Variants in HERC6 observed in about 807,000 individuals in gnomAD.
HERC6 encodes probable E3 ubiquitin-protein ligase HERC6.
A neutral mutation model predicts 114.5 loss-of-function variants in HERC6; 101 were observed. The ratio of observed to expected loss-of-function variants is 0.88; its 90% CI spans 0.75 to 1.04. HERC6 has a LOEUF of 1.04. Ranked by LOEUF, HERC6 falls within the 50% of genes least tolerant of loss-of-function variation. The pLI is 0.00. For synonymous variants in HERC6, 408 were observed against 436.2 expected, an observed-to-expected ratio of 0.94 and a Z score of 0.81; for missense variants, 1,133 against 1,230.9, an observed-to-expected ratio of 0.92 and a Z score of 1.19.
chr4:88,402,233 T>C (rs1406412765), intron 8 of HERC6, among the ~76,000 whole-genome samples: 1 of 152,156 alleles, frequency 6.6e-6, no homozygotes, highest in South Asian at 2.1e-4. Context: ...GATGGAACAA[T>C]TGATAATTAT....
chr4:88,411,737 G>C (rs1736116127), intron 11 of HERC6, among the ~76,000 whole-genome samples: 1 of 152,210 alleles, frequency 6.6e-6, no homozygotes, highest in East Asian at 1.9e-4. Context: ...CCTTTGCACA[G>C]GTTCATTCAG....
At chr4:88,417,642 A>G in intron 13 of HERC6, 63 bp downstream of exon 13, 3 of 1,365,338 alleles carry the variant, frequency 2.2e-6, no homozygotes, top group Non-Finnish European at 3.0e-6. Context: ...TTAAGTCTCA[A>G]CCAGTTGGAC....
chr4:88,390,110 T>C (rs1578372499), intron 3 of HERC6, among the ~76,000 whole-genome samples: 1 of 132,478 alleles, frequency 7.5e-6, no homozygotes, highest in Admixed American at 8.9e-5. Context: ...AACCAGGAGG[T>C]GGAGTTTGCA....
intron 15 of HERC6, among the ~76,000 whole-genome samples, chr4:88,426,835 C>G (rs1218471244): frequency 2.6e-5 from 4 of 152,218 alleles, no homozygotes; most frequent in Non-Finnish European, 1.5e-5. Context: ...ACCAGGTCAT[C>G]TCTTCTTTTA....
At chr4:88,398,947 T>A (rs1415505852) in intron 8 of HERC6, 1 of 152,208 alleles carries the variant, frequency 6.6e-6, no homozygotes, top group African/African-American at 2.4e-5. Flanking sequence ...GTGGTAGAGC[T>A]GGATTCAAAT....
chr4:88,424,541 G>T, intron 14 of HERC6, 54 bp from the exon 15 acceptor site: 1 of 1,358,872 alleles, frequency 7.4e-7, no homozygotes, highest in Non-Finnish European at 1.0e-6. Context: ...AAGGAAGTAA[G>T]TTTTTTTTCA....
In HERC6 at chr4:88,431,317, C is replaced by CTTT; in HGVS notation, c.2250+22_2250+24dup. 3 of 1,213,594 alleles carry CTTT rather than the reference C, an allele frequency of 2.5e-6. No homozygotes were observed. Among genetic ancestry groups the CTTT allele is most frequent in the Admixed American group, 2.4e-5 (1 of 41,648 alleles). 75.2% of individuals were successfully genotyped at this position (1,213,594 alleles called of 1,614,324 possible). The stretch of plus-strand genomic sequence containing the variant: ...GGTTTCCTGCCAAGGTAAGTCTTTT[C>CTTT]TTTTTTTTTTTTCCCCCAGAACAGA... On this transcript the variant is annotated intron_variant, in intron 17 of 22. Coordinates refer to ENST00000264346, the MANE Select transcript of HERC6 (RefSeq NM_017912.4).
intron 19 of HERC6, among the ~76,000 whole-genome samples, 196 bp downstream of exon 19, chr4:88,437,167 C>A (rs1484877688): frequency 2.0e-5 from 3 of 151,916 alleles, no homozygotes; most frequent in African/African-American, 7.3e-5. Context: ...AGTGATTCTC[C>A]TACCTCAGCC....
intron 13 of HERC6, among the ~76,000 whole-genome samples, chr4:88,422,970 C>T (rs1737209183): frequency 6.7e-6 from 1 of 150,170 alleles, no homozygotes; most frequent in African/African-American, 2.4e-5. Context: ...GGATTTGTCT[C>T]TTTATCTAAG....
chr4:88,387,326 G>A (rs1734635020), intron 3 of HERC6, among the ~76,000 whole-genome samples: 1 of 152,220 alleles, frequency 6.6e-6, no homozygotes, highest in African/African-American at 2.4e-5. Context: ...GAGCTCAGGA[G>A]TTTGAAGCTG....
At chr4:88,384,865 CA>C (rs201337362) in intron 2 of HERC6, among the ~76,000 whole-genome samples, 1 of 150,332 alleles carries the variant, frequency 6.7e-6, no homozygotes, top group African/African-American at 2.4e-5. Context: ...ACTAAAAATA[CA>C]AAAAAAAATA....
Position 88,404,788 on chromosome 4 carries a change from T to C in HERC6, c.1093-88T>C, listed in dbSNP as rs190623855. On this transcript the variant is annotated intron_variant, in intron 8 of 22. Transcript: ENST00000264346. ...TACCACCCAAGAGGGCAGGGCCTAT[T>C]TACCACCCATGCCAGGTGATTTACT... is the stretch of plus-strand genomic sequence containing the variant. The C allele has an allele frequency of 8.0e-6, 12 of 1,506,178 alleles. No homozygotes were observed. In the East Asian group the frequency reaches 2.4e-4, roughly 30 times the overall value. The allele number at this position is 1,506,178 out of a possible 1,614,324, so 93.3% of individuals were successfully genotyped here.
At chr4:88,393,742 C>T (rs1735046830) in intron 5 of HERC6, among the ~76,000 whole-genome samples, 160 bp downstream of exon 5, 1 of 152,116 alleles carries the variant, frequency 6.6e-6, no homozygotes, top group East Asian at 1.9e-4. Context: ...GATCTATTTC[C>T]CATAGTTCTG....
intron 8 of HERC6, 120 bp from the exon 9 acceptor site, chr4:88,404,756 C>A (rs1208882637): frequency 3.1e-6 from 4 of 1,296,888 alleles, no homozygotes; most frequent in Non-Finnish European, 4.2e-6. Flanking sequence ...CTCCTCCCAC[C>A]AAATGCTACC....
At chr4:88,406,359 G>T (rs1735814293) in intron 10 of HERC6, among the ~76,000 whole-genome samples, 1 of 152,180 alleles carries the variant, frequency 6.6e-6, no homozygotes, top group Non-Finnish European at 1.5e-5. Flanking sequence ...CCCACTGCTG[G>T]TCACTAGGTG....
In HERC6 at chr4:88,442,219, T is replaced by A. The variant is rs1739415064; in HGVS notation, c.2843-15T>A. On this transcript the variant is annotated splice_polypyrimidine_tract_variant and intron_variant, in intron 22 of 22. Transcript: ENST00000264346. Reference sequence around the variant, plus strand: ...TTTCTATGAAATATCTTAACCAAATTTTATTCCTTTCTAGTTTTCCTTACA... The same window carrying A: ...TTTCTATGAAATATCTTAACCAAATATTATTCCTTTCTAGTTTTCCTTACA... 1.9e-6 allele frequency: 3 copies of A among 1,574,256 alleles called. No individual in the cohort carries two copies. The highest frequency in any genetic ancestry group is 1.3e-5 in the African/African-American group (1 of 74,090).
At chr4:88,439,537 C>T (rs1463343003) in intron 20 of HERC6, among the ~76,000 whole-genome samples, 5 of 152,102 alleles carry the variant, frequency 3.3e-5, no homozygotes, top group African/African-American at 4.8e-5. Context: ...CTGTTGATCC[C>T]TGCTAAGGAG....
intron 11 of HERC6, among the ~76,000 whole-genome samples, chr4:88,410,371 G>A (rs1736025684): frequency 6.6e-6 from 1 of 152,180 alleles, no homozygotes; most frequent in Non-Finnish European, 1.5e-5. Context: ...CATCAGATAT[G>A]CATCTATCTC....
In HERC6 at chr4:88,439,960, G is replaced by C. The variant is rs755006890; in HGVS notation, c.2642G>C (p.Arg881Thr). The C allele has an allele frequency of 3.7e-6, 6 of 1,607,208 alleles. No individual in the cohort carries two copies. In the South Asian group the frequency reaches 4.4e-5, roughly 12 times the overall value. ...VYEEFQRGFY[R>T]VCEKEILRHF... ...GAGGAATTTCAGAGAGGATTTTATAGAGTCTGTGAGAAGGAGATACTTAGA... is the reference window on the plus strand; with the variant it reads ...GAGGAATTTCAGAGAGGATTTTATACAGTCTGTGAGAAGGAGATACTTAGA... The change falls in exon 21 of 23, where the codon AGA (arginine) becomes ACA (threonine). Residue 881 changes from arginine to threonine, a missense_variant. Physicochemically the swap from Arg to Thr is moderately conservative, Grantham distance 71. Around this residue, in one of 3 missense-constraint regions of HERC6, gnomAD observed 388 missense variants for 445.9 expected, o/e 0.87. Transcript: ENST00000264346.
Sources: gnomAD v4.1 joint callset for allele counts (sites outside exome capture counted in the v4.1 genomes callset) on GRCh38, gnomAD v4.1.1 for gene constraint, gnomAD v4.1.1 regional missense constraint, MANE v1.5 for transcripts, NCBI Gene and HGNC (gene_info 2026-07-23, HGNC 2026-07-21) for gene names.